The following GCNT2 variants were observed in gnomAD, a reference collection of about 807,000 sequenced individuals.
GCNT2 encodes the protein glucosaminyl (N-acetyl) transferase 2 (I blood group), also known as N-acetyllactosaminide beta-1,6-N-acetylglucosaminyl-transferase.
GCNT2 carries 34 observed loss-of-function variants against 34.2 expected under a neutral mutation model. The observed-to-expected ratio is 1.00, with a 90% CI of 0.76 to 1.32. GCNT2 has a LOEUF of 1.32. Ranked by LOEUF, GCNT2 falls within the 40% of genes most tolerant of loss-of-function variation. The pLI is 0.00. For missense variants in GCNT2, 584 were observed against 489.4 expected (o/e 1.19, Z -1.82); for synonymous variants, 212 against 188.0 (o/e 1.13, Z -1.04).
At chr6:10,534,525 A>G (rs534905036) in intron 3 of GCNT2, among the ~76,000 whole-genome samples, 2 of 152,112 alleles carry the variant, frequency 1.3e-5, no homozygotes, top group South Asian at 4.1e-4. Flanking sequence ...CATTGTATTA[A>G]ACAATGAGGA....
At chr6:10,547,200 G>A (rs1466418362) in intron 3 of GCNT2, among the ~76,000 whole-genome samples, 1 of 152,078 alleles carries the variant, frequency 6.6e-6, no homozygotes, top group African/African-American at 2.4e-5. Flanking sequence ...CTATTTGCAA[G>A]TTATCCCTTA....
intron 3 of GCNT2, among the ~76,000 whole-genome samples, chr6:10,565,734 A>C (rs1212628420): frequency 6.6e-6 from 1 of 151,000 alleles, no homozygotes; most frequent in African/African-American, 2.4e-5. Context: ...CCCCCACACC[A>C]CCGGCCAAGA....
chr6:10,578,694 C>T (rs1763935662), intron 3 of GCNT2, among the ~76,000 whole-genome samples: 1 of 152,076 alleles, frequency 6.6e-6, no homozygotes, highest in African/African-American at 2.4e-5. Flanking sequence ...GATCCGCCTG[C>T]CTTGGCCTCC....
rs7750473 is a variant in GCNT2 at position 10,569,644 on chromosome 6, C to A, written c.925+39808C>A. Among the ~76,000 whole-genome samples the A allele has an allele frequency of 9.6e-3, 1,455 of 152,344 alleles. 25 individuals carry two copies. Among genetic ancestry groups the A allele is most frequent in the African/African-American group, 0.033 (1,355 of 41,574 alleles). On this transcript the variant is annotated intron_variant, in intron 3 of 4. Coordinates refer to ENST00000495262, the MANE Select transcript of GCNT2 (RefSeq NM_145649.5). ...GCCTGGGGGCAGCATCTGCTCCAGA[C>A]AGGCTGTTCTTCAACCCAAGGTCCA...
chr6:10,582,601 T>C (rs1484552235), intron 3 of GCNT2, among the ~76,000 whole-genome samples: 2 of 128,076 alleles, frequency 1.6e-5, no homozygotes, highest in African/African-American at 5.4e-5. Context: ...AAAATATTTA[T>C]ATATTTATAT....
intron 3 of GCNT2, among the ~76,000 whole-genome samples, chr6:10,552,779 A>G (rs1040150163): frequency 2.6e-5 from 4 of 152,128 alleles, no homozygotes; most frequent in Non-Finnish European, 5.9e-5. Context: ...TTTTTCATGT[A>G]TTACTCTTAG....
At chr6:10,551,594 A>G (rs1315718768) in intron 3 of GCNT2, among the ~76,000 whole-genome samples, 3 of 151,424 alleles carry the variant, frequency 2.0e-5, no homozygotes, top group Non-Finnish European at 4.4e-5. Flanking sequence ...ACCGGCGCCC[A>G]CCACCATGCC....
At chr6:10,546,187 A>G (rs1401186984) in intron 3 of GCNT2, among the ~76,000 whole-genome samples, 1 of 152,142 alleles carries the variant, frequency 6.6e-6, no homozygotes, top group Non-Finnish European at 1.5e-5. Flanking sequence ...AAAACCCAGG[A>G]CAGTTGAAGC....
At chr6:10,539,817 G>C (rs1761957126) in intron 3 of GCNT2, among the ~76,000 whole-genome samples, 1 of 152,218 alleles carries the variant, frequency 6.6e-6, no homozygotes, top group Admixed American at 6.5e-5. Flanking sequence ...CGGGCATGAT[G>C]GCTCATGCCT....
chr6:10,608,978 C>T (rs994278916), intron 3 of GCNT2, among the ~76,000 whole-genome samples: 1 of 152,208 alleles, frequency 6.6e-6, no homozygotes, highest in African/African-American at 2.4e-5. Context: ...ATGCCTAAAA[C>T]CCCGGTGAAT....
intron 3 of GCNT2, among the ~76,000 whole-genome samples, chr6:10,592,323 A>T (rs1242667837): frequency 6.6e-6 from 1 of 152,228 alleles, no homozygotes; most frequent in Non-Finnish European, 1.5e-5. Flanking sequence ...ATGATTTTCA[A>T]AATATTGCGT....
Position 10,563,769 on chromosome 6 carries a change from AAAAAAAAAATATAT to A in GCNT2, c.925+33935_925+33948del, listed in dbSNP as rs1429794534. Among the ~76,000 whole-genome samples, 243 of 70,130 alleles carry A rather than the reference AAAAAAAAAATATAT, an allele frequency of 3.5e-3. 1 individual carries two copies. The highest frequency in any genetic ancestry group is 0.011 in the African/African-American group (192 of 16,764). 46.0% of individuals were successfully genotyped at this position (70,130 alleles called of 152,430 possible). A position where few individuals can be genotyped will look rare whatever the true frequency, so the allele number is the denominator to read the frequency against. ...AAAAAGAAAAAAGAAAAAAAAAAAA[AAAAAAAAAATATAT>A]ATATATATATATATATATATATATA... On this transcript the variant is annotated intron_variant, in intron 3 of 4. Transcript: ENST00000495262.
intron 3 of GCNT2, among the ~76,000 whole-genome samples, chr6:10,536,116 A>AG (rs778493075): frequency 1.3e-5 from 2 of 152,138 alleles, no homozygotes; most frequent in Non-Finnish European, 2.9e-5. Context: ...GGAGCAGAGA[A>AG]GGGCAGATCC....
chr6:10,624,954 C>A (rs945657100), intron 4 of GCNT2, among the ~76,000 whole-genome samples: 2 of 152,198 alleles, frequency 1.3e-5, no homozygotes, highest in Admixed American at 1.3e-4. Flanking sequence ...TCTGCTTTCT[C>A]CAGGCCGAAA....
intron 2 of GCNT2, 26 bp from the exon 3 acceptor site, chr6:10,528,605 C>T (rs983927722): frequency 2.5e-5 from 11 of 440,110 alleles, no homozygotes; most frequent in Non-Finnish European, 3.8e-5. Context: ...ATCAGAACCT[C>T]TCTGAGGACA....
At chr6:10,614,003 G>A (rs1310423787) in intron 3 of GCNT2, among the ~76,000 whole-genome samples, 1 of 152,134 alleles carries the variant, frequency 6.6e-6, no homozygotes, top group Non-Finnish European at 1.5e-5. Flanking sequence ...AGTAGAGAAG[G>A]AGCAACTGGA....
chr6:10,590,206 T>C (rs1764569883), intron 3 of GCNT2, among the ~76,000 whole-genome samples: 1 of 152,112 alleles, frequency 6.6e-6, no homozygotes, highest in African/African-American at 2.4e-5. Flanking sequence ...CAGTCCAGCC[T>C]GGGCAACATA....
intron 3 of GCNT2, among the ~76,000 whole-genome samples, chr6:10,604,277 T>C (rs1469318972): frequency 6.6e-6 from 1 of 152,192 alleles, no homozygotes; most frequent in East Asian, 1.9e-4. Flanking sequence ...TTTTGTACTT[T>C]AATGTATTAT....
chr6:10,558,182 C>T lies in GCNT2; in HGVS notation c.925+28346C>T, dbSNP rs374076831. On this transcript the variant is annotated intron_variant, in intron 3 of 4. Coordinates refer to ENST00000495262, the MANE Select transcript of GCNT2 (RefSeq NM_145649.5). ...ATTTGCATGGGTTTGTTCTTGGTCT[C>T]CTCTGCATTTGTTCCATGAAGCCAG... 5.5e-4 allele frequency among the ~76,000 whole-genome samples: 84 copies of T among 152,292 alleles called. 2 individuals carry two copies. The South Asian group carries it at 0.013, about 23-fold the overall frequency.
Sources: allele counts gnomAD v4.1 joint callset (sites outside exome capture counted in the v4.1 genomes callset), GRCh38; gene constraint gnomAD v4.1.1; transcripts MANE v1.5; gene names NCBI Gene and HGNC (gene_info 2026-07-23, HGNC 2026-07-21).